SMAP1: variants seen among roughly 807,000 people sequenced by gnomAD.
SMAP1 encodes the protein stromal membrane-associated protein 1.
Under a neutral mutation model 58.5 loss-of-function variants are expected in SMAP1, and 24 were observed. That is an observed-to-expected ratio of 0.41 (90% CI 0.30 to 0.58). SMAP1 has a LOEUF of 0.58. Ranked by LOEUF, SMAP1 falls within the 20% of genes least tolerant of loss-of-function variation. The pLI, the probability that SMAP1 is intolerant of heterozygous loss-of-function variation, is 0.29. For synonymous variants in SMAP1, 216 were observed against 196.6 expected (o/e 1.10, Z -0.82); for missense variants, 563 against 566.3 (o/e 0.99, Z 0.06).
chr6:70,734,248 C>T (rs920768915), intron 2 of SMAP1, among the ~76,000 whole-genome samples: 13 of 151,868 alleles, frequency 8.6e-5, no homozygotes, highest in African/African-American at 2.7e-4. Context: ...TGGGTTCAAG[C>T]GATTCTCCTG....
intron 2 of SMAP1, among the ~76,000 whole-genome samples, chr6:70,744,173 CTT>C (rs11376216): frequency 6.9e-6 from 1 of 145,066 alleles, no homozygotes. Context: ...ACTCCTAATT[CTT>C]TTTTTTTTTT....
chr6:70,705,468 G>A (rs1767802404), intron 1 of SMAP1, among the ~76,000 whole-genome samples: 1 of 151,994 alleles, frequency 6.6e-6, no homozygotes, highest in African/African-American at 2.4e-5. Flanking sequence ...GGCCAGGCTG[G>A]TCTCAAACTC....
intron 6 of SMAP1, among the ~76,000 whole-genome samples, chr6:70,835,019 G>A (rs1770513634): frequency 6.6e-6 from 1 of 151,866 alleles, no homozygotes; most frequent in East Asian, 1.9e-4. Context: ...GGAGGCCGAG[G>A]CTAGCGGATC....
intron 3 of SMAP1, among the ~76,000 whole-genome samples, chr6:70,762,572 T>G (rs1390603610): frequency 6.6e-6 from 1 of 152,158 alleles, no homozygotes; most frequent in African/African-American, 2.4e-5. Context: ...ATATAGCATG[T>G]TTTCCAAACT....
rs1418134157 is a variant in SMAP1, at chr6:70,754,975, T to C, written c.253-5T>C. The C allele has an allele frequency of 2.5e-6, 4 of 1,598,556 alleles. No homozygotes were observed. The highest frequency in any genetic ancestry group is 1.7e-5 in the Admixed American group (1 of 57,880). On this transcript the variant is annotated splice_region_variant and splice_polypyrimidine_tract_variant and intron_variant, in intron 2 of 10. Transcript: ENST00000370455. ...TGAGTAATTAAAAAATTTTTTTTATTATAGTGCATGCAAGATATGGGAAAT... is the reference window on the plus strand; with the variant it reads ...TGAGTAATTAAAAAATTTTTTTTATCATAGTGCATGCAAGATATGGGAAAT...
chr6:70,735,350 C>T (rs886413067), intron 2 of SMAP1, among the ~76,000 whole-genome samples: 1 of 152,194 alleles, frequency 6.6e-6, no homozygotes. Flanking sequence ...TTTTGCTATA[C>T]ATTAAAATGT....
At position 70,824,313 on chromosome 6, in the gene SMAP1, C is replaced by CTAT. The variant is rs950296552; in HGVS notation, c.577-12614_577-12612dup. Reference sequence around the variant, plus strand: ...AGCAGTCATAAGGTCAGTATGATAGCTATTATTATTATTATTTTACCGATC... The same window carrying CTAT: ...AGCAGTCATAAGGTCAGTATGATAGCTATTATTATTATTATTATTTTACCGATC... On this transcript the variant is annotated intron_variant, in intron 6 of 10. Coordinates refer to ENST00000370455, the MANE Select transcript of SMAP1 (RefSeq NM_001044305.3). 2.6e-5 allele frequency among the ~76,000 whole-genome samples: 4 copies of CTAT among 151,830 alleles called. No individual in the cohort carries two copies. The East Asian group carries it at 5.8e-4, about 22-fold the overall frequency.
chr6:70,770,790 G>T (rs1480307725), intron 3 of SMAP1, among the ~76,000 whole-genome samples: 6 of 152,174 alleles, frequency 3.9e-5, no homozygotes, highest in African/African-American at 9.7e-5. Flanking sequence ...CGTTGCTGAT[G>T]AGGAGCTGCG....
At chr6:70,833,225 T>G (rs565062698) in intron 6 of SMAP1, among the ~76,000 whole-genome samples, 17 of 152,314 alleles carry the variant, frequency 1.1e-4, no homozygotes, top group African/African-American at 3.8e-4. Context: ...AATAGTGAGG[T>G]TAATTTCTTA....
At chr6:70,789,647 G>A (rs1265759683) in intron 4 of SMAP1, among the ~76,000 whole-genome samples, 1 of 138,754 alleles carries the variant, frequency 7.2e-6, no homozygotes, top group Admixed American at 7.3e-5. Context: ...CCAGCTATCC[G>A]GGACGCTGAG....
intron 6 of SMAP1, among the ~76,000 whole-genome samples, chr6:70,826,356 T>A (rs1269740980): frequency 6.6e-6 from 1 of 152,194 alleles, no homozygotes; most frequent in Non-Finnish European, 1.5e-5. Context: ...TGCTGTATCA[T>A]TAAGCTTGAC....
chr6:70,685,130 A>G (rs1274390926), intron 1 of SMAP1, among the ~76,000 whole-genome samples: 1 of 151,884 alleles, frequency 6.6e-6, no homozygotes, highest in Non-Finnish European at 1.5e-5. Flanking sequence ...GCCAGGTCTT[A>G]GTTTTTTTTT....
At chr6:70,692,290 T>C (rs1363806047) in intron 1 of SMAP1, among the ~76,000 whole-genome samples, 2 of 152,236 alleles carry the variant, frequency 1.3e-5, no homozygotes, top group Non-Finnish European at 2.9e-5. Context: ...ATTATTATAT[T>C]TTTTCCTATG....
chr6:70,812,914 C>G (rs935411834), intron 6 of SMAP1, among the ~76,000 whole-genome samples: 17 of 152,056 alleles, frequency 1.1e-4, no homozygotes, highest in Non-Finnish European at 2.4e-4. Flanking sequence ...GTCTACATCT[C>G]CTTCTAAATC....
chr6:70,859,582 GCCTTT>G (rs1771611774), intron 10 of SMAP1: 3 of 436,040 alleles, frequency 6.9e-6, no homozygotes, highest in African/African-American at 6.1e-5. Context: ...GGTAAATCTT[GCCTTT>G]CCTTCTCTTA....
At chr6:70,742,884 T>G (rs1765874792) in intron 2 of SMAP1, among the ~76,000 whole-genome samples, 1 of 152,160 alleles carries the variant, frequency 6.6e-6, no homozygotes, top group South Asian at 2.1e-4. Context: ...AGAGGTTTCC[T>G]CTTATAAAAC....
chr6:70,686,020 A>G (rs1189357684), intron 1 of SMAP1, among the ~76,000 whole-genome samples: 1 of 152,162 alleles, frequency 6.6e-6, no homozygotes, highest in Non-Finnish European at 1.5e-5. Flanking sequence ...ATCTTACCTC[A>G]GCCTCCCAGG....
At chr6:70,754,877 A>G in intron 2 of SMAP1, 103 bp from the exon 3 acceptor site, 1 of 578,196 alleles carries the variant, frequency 1.7e-6, no homozygotes, top group Non-Finnish European at 3.1e-6. Context: ...TATTGGAAAT[A>G]ATAAATTATT....
intron 3 of SMAP1, among the ~76,000 whole-genome samples, chr6:70,766,566 G>A (rs1221761452): frequency 4.6e-5 from 7 of 152,046 alleles, no homozygotes; most frequent in African/African-American, 1.4e-4. Flanking sequence ...GTCTGTTCCT[G>A]TCCTTTGCCC....
Sources: allele counts gnomAD v4.1 joint callset (sites outside exome capture counted in the v4.1 genomes callset), GRCh38; gene constraint gnomAD v4.1.1; transcripts MANE v1.5; gene names NCBI Gene and HGNC (gene_info 2026-07-23, HGNC 2026-07-21).